TBC1D5: variants seen among roughly 807,000 people sequenced by gnomAD.
The protein encoded by TBC1D5 is TBC1 domain family, member 5.
In TBC1D5, 75 loss-of-function variants were observed where a neutral mutation model predicts 100.3. The observed-to-expected ratio is 0.75, with a 90% CI of 0.62 to 0.91. The LOEUF (loss-of-function observed/expected upper bound fraction) is 0.91, where lower values mean the gene tolerates loss of function less well. Ranked by LOEUF, TBC1D5 falls within the 40% of genes least tolerant of loss-of-function variation. The pLI is 0.00. For missense variants in TBC1D5, 910 were observed against 942.4 expected (o/e 0.97, Z 0.45); for synonymous variants, 323 against 325.6 (o/e 0.99, Z 0.09).
At chr3:17,631,538 A>T (rs1246338115) in intron 1 of TBC1D5, among the ~76,000 whole-genome samples, 1 of 152,244 alleles carries the variant, frequency 6.6e-6, no homozygotes, top group Non-Finnish European at 1.5e-5. Flanking sequence ...TATTAGAAGA[A>T]GATGCCATTT....
intron 3 of TBC1D5, among the ~76,000 whole-genome samples, chr3:17,462,718 G>GAATAATAATAAT (rs1379080926): frequency 6.6e-6 from 1 of 152,032 alleles, no homozygotes; most frequent in Non-Finnish European, 1.5e-5. Flanking sequence ...TATCTATACA[G>GAATAATAATAAT]AATAATAATA....
chr3:17,688,249 A>G (rs2070614778), intron 1 of TBC1D5, among the ~76,000 whole-genome samples: 1 of 152,176 alleles, frequency 6.6e-6, no homozygotes, highest in Non-Finnish European at 1.5e-5. Context: ...ATACACATAC[A>G]TATAGGCCCA....
At chr3:17,591,948 G>T (rs948801587) in intron 2 of TBC1D5, among the ~76,000 whole-genome samples, 1 of 152,226 alleles carries the variant, frequency 6.6e-6, no homozygotes, top group African/African-American at 2.4e-5. Flanking sequence ...AAGACAAATA[G>T]ATCTTGGAGA....
intron 15 of TBC1D5, among the ~76,000 whole-genome samples, chr3:17,279,579 G>C (rs939502899): frequency 6.6e-6 from 1 of 152,032 alleles, no homozygotes; most frequent in African/African-American, 2.4e-5. Context: ...GCACCCCTTT[G>C]GATTATCTTT....
At chr3:17,532,737 C>T (rs1351248338) in intron 2 of TBC1D5, among the ~76,000 whole-genome samples, 3 of 149,878 alleles carry the variant, frequency 2.0e-5, no homozygotes, top group Admixed American at 6.7e-5. Flanking sequence ...ATCGCAAGGA[C>T]AAAAAACCAA....
At chr3:17,511,795 T>C (rs2095911067) in intron 2 of TBC1D5, among the ~76,000 whole-genome samples, 1 of 152,134 alleles carries the variant, frequency 6.6e-6, no homozygotes, top group Admixed American at 6.5e-5. Flanking sequence ...CAAGCATCCA[T>C]TATATCCTGA....
At chr3:17,240,825 G>A (rs985428113) in intron 16 of TBC1D5, among the ~76,000 whole-genome samples, 5 of 152,006 alleles carry the variant, frequency 3.3e-5, no homozygotes, top group East Asian at 1.9e-4. Context: ...CCACATTGCC[G>A]GTTGTAAAAT....
At chr3:17,411,239 G>C (rs1278311604) in intron 4 of TBC1D5, among the ~76,000 whole-genome samples, 1 of 151,608 alleles carries the variant, frequency 6.6e-6, no homozygotes, top group Non-Finnish European at 1.5e-5. Context: ...TTTTAATTAA[G>C]GTTTATATAT....
chr3:17,532,663 A>T (rs942458370), intron 2 of TBC1D5, among the ~76,000 whole-genome samples: 1 of 152,242 alleles, frequency 6.6e-6, no homozygotes, highest in East Asian at 1.9e-4. Context: ...GCCATAAAAA[A>T]GGATGAGTTC....
chr3:17,724,368 T>C (rs2075950288), intron 1 of TBC1D5, among the ~76,000 whole-genome samples: 1 of 152,200 alleles, frequency 6.6e-6, no homozygotes, highest in African/African-American at 2.4e-5. Flanking sequence ...GTGCTGGGGT[T>C]ACAGGCATGA....
intron 21 of TBC1D5, among the ~76,000 whole-genome samples, chr3:17,163,897 G>A (rs1192217246): frequency 6.6e-6 from 1 of 152,164 alleles, no homozygotes; most frequent in Non-Finnish European, 1.5e-5. Context: ...TAGACAATAT[G>A]CGGATTAAAA....
intron 18 of TBC1D5, 148 bp from the exon 20 acceptor site, chr3:17,185,356 C>G: frequency 1.9e-6 from 1 of 537,456 alleles, no homozygotes; most frequent in Non-Finnish European, 3.1e-6. Flanking sequence ...AACAAAATCA[C>G]AACTGCCACC....
intron 21 of TBC1D5, among the ~76,000 whole-genome samples, chr3:17,165,749 T>C (rs1374751305): frequency 6.6e-6 from 1 of 152,242 alleles, no homozygotes; most frequent in African/African-American, 2.4e-5. Flanking sequence ...GATGAAACTT[T>C]GTAAGCTGAT....
At chr3:17,453,632 A>G (rs1420228811) in intron 3 of TBC1D5, among the ~76,000 whole-genome samples, 1 of 152,162 alleles carries the variant, frequency 6.6e-6, no homozygotes, top group African/African-American at 2.4e-5. Flanking sequence ...ACAGACCAAT[A>G]ATGAGTAACA....
intron 2 of TBC1D5, among the ~76,000 whole-genome samples, chr3:17,606,041 C>A (rs1442592929): frequency 6.6e-6 from 1 of 152,160 alleles, no homozygotes; most frequent in Non-Finnish European, 1.5e-5. Context: ...TAAAGTAGGT[C>A]TCTCATTTCA....
chr3:17,530,964 G>C (rs1415926012), intron 2 of TBC1D5, among the ~76,000 whole-genome samples: 8 of 152,160 alleles, frequency 5.3e-5, no homozygotes, highest in Admixed American at 5.2e-4. Flanking sequence ...ATTCAACATA[G>C]TGTTGGAAGT....
chr3:17,213,275 A>C (rs1361546489), intron 18 of TBC1D5, among the ~76,000 whole-genome samples: 1 of 152,248 alleles, frequency 6.6e-6, no homozygotes. Flanking sequence ...AGTTTGTATA[A>C]GTACACTCTA....
intron 2 of TBC1D5, among the ~76,000 whole-genome samples, chr3:17,606,472 T>C (rs932185411): frequency 6.6e-6 from 1 of 152,074 alleles, no homozygotes; most frequent in South Asian, 2.1e-4. Context: ...TTTATTTTCT[T>C]TTACTCAAAC....
chr3:17,576,834 G>C (rs2096659895), intron 2 of TBC1D5, among the ~76,000 whole-genome samples: 1 of 151,978 alleles, frequency 6.6e-6, no homozygotes, highest in African/African-American at 2.4e-5. Context: ...GATGGAATAT[G>C]TGTACGTCTT....
Sources: allele counts gnomAD v4.1 joint callset (sites outside exome capture counted in the v4.1 genomes callset), GRCh38; gene constraint gnomAD v4.1.1; transcripts MANE v1.5; gene names NCBI Gene and HGNC (gene_info 2026-07-23, HGNC 2026-07-21).